Variants in PPEF2 observed in about 807,000 individuals in gnomAD.
PPEF2 encodes serine/threonine-protein phosphatase with EF-hands 2.
PPEF2 carries 84 observed loss-of-function variants against 84.7 expected under a neutral mutation model. That is an observed-to-expected ratio of 0.99 (90% CI 0.83 to 1.19). PPEF2 has a LOEUF of 1.19. Among genes scored for constraint, PPEF2 ranks in the 50% most tolerant of loss-of-function variants. The probability of loss-of-function intolerance (pLI) is 0.00; values close to 1 mark genes in which losing one functional copy is unlikely to be tolerated. For synonymous variants in PPEF2, 346 were observed against 345.2 expected, an observed-to-expected ratio of 1.00 and a Z score of -0.03; for missense variants, 924 against 937.5, an observed-to-expected ratio of 0.99 and a Z score of 0.19.
chr4:75,884,953 G>T (rs1724685778), intron 7 of PPEF2, 193 bp from the exon 8 acceptor site: 1 of 509,652 alleles, frequency 2.0e-6, no homozygotes, highest in Non-Finnish European at 3.4e-6. Context: ...TTCCAGAGAG[G>T]CTAAGGTTAG....
chr4:75,876,198 C>A lies in PPEF2; in HGVS notation c.1320+89G>T, dbSNP rs1382167029. The A allele has an allele frequency of 6.3e-6, 9 of 1,433,594 alleles. No individual in the cohort carries two copies. The Admixed American group carries it at 1.8e-4, about 29-fold the overall frequency. 88.8% of individuals were successfully genotyped at this position (1,433,594 alleles called of 1,614,324 possible). A position where few individuals can be genotyped will look rare whatever the true frequency, so the allele number is the denominator to read the frequency against. Reference sequence around the variant, plus strand: ...GTTACCCCAGAAAGAGAAAGAGGGGCCTCAAAACATATCCTGAGTTTCCCT... The same window carrying A: ...GTTACCCCAGAAAGAGAAAGAGGGGACTCAAAACATATCCTGAGTTTCCCT... On this transcript the variant is annotated intron_variant, in intron 11 of 16. Coordinates refer to ENST00000286719, the MANE Select transcript of PPEF2 (RefSeq NM_006239.3).
chr4:75,867,705 T>C lies in PPEF2; in HGVS notation c.1650-286A>G, dbSNP rs559723335. ...TCCTTTGCTTCAGTTTTCCCACCTG[T>C]AAAACAGTGATTAAAATGGTACCTG... On this transcript the variant is annotated intron_variant, in intron 13 of 16. Transcript: ENST00000286719. 5.3e-5 allele frequency among the ~76,000 whole-genome samples: 8 copies of C among 152,264 alleles called. No individual in the cohort carries two copies. In the South Asian group the frequency reaches 6.2e-4, roughly 12 times the overall value.
At position 75,890,041 on chromosome 4, in the gene PPEF2, G is replaced by C. The variant is rs199870938; in HGVS notation, c.333C>G (p.Pro111=). 13 of 1,614,032 alleles carry C rather than the reference G, an allele frequency of 8.1e-6. No homozygotes were observed. The highest frequency in any genetic ancestry group is 1.1e-5 in the South Asian group (1 of 91,066). The stretch of plus-strand genomic sequence containing the variant: ...AGAGGCGTGGCCCCGTGTAACTGTC[G>C]GGTACCTCTATGGATTCATAGTCAC... The part of the protein sequence containing the change: ...KCSDYESIEV[P]DSYTGPRLSF... The change falls in exon 5 of 17, where the codon CCC becomes CCG. Residue 111 remains proline, a synonymous_variant. Transcript: ENST00000286719.
chr4:75,863,890 C>T (rs1409642324), intron 16 of PPEF2, among the ~76,000 whole-genome samples: 6 of 146,454 alleles, frequency 4.1e-5, no homozygotes, highest in Admixed American at 6.8e-5. Flanking sequence ...TTTTTTTTTC[C>T]GCGACAGAGT....
rs748954978 is a variant in PPEF2, at chr4:75,883,003, C to T, written c.856G>A (p.Glu286Lys). ...CCACCATGAAGAATTAGAACTTTCT[C>T]ATCTATCAGAGTGGCCAGTGGAAGC... ...CWLPLATLID[E>K]KVLILHGGVS... The change falls in exon 10 of 17, where the codon GAG (glutamate) becomes AAG (lysine). Residue 286 changes from glutamate (E) to lysine (K), a missense_variant. Transcript: ENST00000286719. The T allele has an allele frequency of 6.2e-7, 1 of 1,614,188 alleles. No homozygotes were observed. The highest frequency in any genetic ancestry group is 2.2e-5 in the East Asian group (1 of 44,884).
chr4:75,879,077 T>C (rs577248390), intron 10 of PPEF2, among the ~76,000 whole-genome samples: 203 of 152,322 alleles, frequency 1.3e-3, no homozygotes, highest in Non-Finnish European at 2.0e-3. Flanking sequence ...CATCTTATGT[T>C]TCCAGTGATT....
At chr4:75,897,145 G>A (rs373536074) in intron 1 of PPEF2, among the ~76,000 whole-genome samples, 2 of 152,140 alleles carry the variant, frequency 1.3e-5, no homozygotes, top group East Asian at 1.9e-4. Flanking sequence ...GAGCCACTGC[G>A]CCTGGCCAGG....
intron 1 of PPEF2, among the ~76,000 whole-genome samples, chr4:75,901,049 T>TA (rs1725109444): frequency 6.6e-6 from 1 of 152,220 alleles, no homozygotes; most frequent in South Asian, 2.1e-4. Context: ...ATTTTTAACT[T>TA]ATATACTTCT....
chr4:75,893,104 T>A (rs1724928252), intron 2 of PPEF2, among the ~76,000 whole-genome samples: 1 of 152,184 alleles, frequency 6.6e-6, no homozygotes, highest in African/African-American at 2.4e-5. Flanking sequence ...TGATTTCCTA[T>A]GAAAAAAATT....
chr4:75,878,212 A>C (rs1490218520), intron 10 of PPEF2, among the ~76,000 whole-genome samples: 6 of 152,208 alleles, frequency 3.9e-5, no homozygotes, highest in Non-Finnish European at 5.9e-5. Context: ...AATTGAATAG[A>C]GTCCCTCTCA....
Position 75,864,474 on chromosome 4 carries a change from C to T in PPEF2, c.1974G>A (p.Glu658=), listed in dbSNP as rs1476800551. 1 of 1,612,304 alleles carries T rather than the reference C, an allele frequency of 6.2e-7. No homozygotes were observed. The highest frequency in any genetic ancestry group is 1.7e-5 in the Admixed American group (1 of 59,988). The change falls in exon 16 of 17, where the codon GAG becomes GAA. Residue 658 remains glutamate, a synonymous_variant. Coordinates refer to ENST00000286719, the MANE Select transcript of PPEF2 (RefSeq NM_006239.3). Reference sequence around the variant, plus strand: ...CACTGTCTATGATCCTAAAAATGGTCTCTAGGTTGGATCGGTTTCGATACA... The same window carrying T: ...CACTGTCTATGATCCTAAAAATGGTTTCTAGGTTGGATCGGTTTCGATACA... ...ETLYRNRSNL[E]TIFRIIDSDH...
intron 10 of PPEF2, among the ~76,000 whole-genome samples, chr4:75,878,333 C>A (rs1050724366): frequency 1.3e-5 from 2 of 152,186 alleles, no homozygotes; most frequent in Non-Finnish European, 2.9e-5. Context: ...GAGAGAGCAG[C>A]CATTCCTGCT....
intron 10 of PPEF2, among the ~76,000 whole-genome samples, chr4:75,878,731 C>T (rs1724491019): frequency 1.3e-5 from 2 of 152,186 alleles, no homozygotes. Context: ...CTTGTTGGCA[C>T]ACAGTGAGGG....
intron 13 of PPEF2, among the ~76,000 whole-genome samples, chr4:75,871,253 C>G (rs2149216427): frequency 6.6e-6 from 1 of 152,192 alleles, no homozygotes; most frequent in Non-Finnish European, 1.5e-5. Context: ...TATATGCTTC[C>G]TTCCAGAAAG....
intron 1 of PPEF2, among the ~76,000 whole-genome samples, chr4:75,897,267 T>C (rs781267394): frequency 6.6e-6 from 1 of 152,238 alleles, no homozygotes; most frequent in African/African-American, 2.4e-5. Context: ...CATTTTCCTC[T>C]GTCTGTCCCT....
chr4:75,888,133 G>A (rs913092142), intron 6 of PPEF2, 81 bp downstream of exon 6: 60 of 1,099,782 alleles, frequency 5.5e-5, no homozygotes, highest in Non-Finnish European at 7.4e-5. Context: ...CCTGCAGCCC[G>A]CCACTCCTCT....
intron 10 of PPEF2, among the ~76,000 whole-genome samples, chr4:75,878,776 G>T (rs1215808997): frequency 6.6e-6 from 1 of 152,086 alleles, no homozygotes; most frequent in Non-Finnish European, 1.5e-5. Context: ...CGATTCTCAG[G>T]TATTTTATTA....
intron 13 of PPEF2, among the ~76,000 whole-genome samples, chr4:75,871,109 AG>A (rs1724260960): frequency 6.6e-6 from 1 of 151,788 alleles, no homozygotes. Context: ...TAGTAGAGAC[AG>A]GGTTTCACCA....
rs1724292570 is a variant in PPEF2 at position 75,872,041 on chromosome 4, G to C, written c.1633C>G (p.Leu545Val). ...AAGTCTTGCCTTTGCCTCATGGTGA[G>C]TGTGTGGGTCACCTTGTTAGCTTGA... is the stretch of plus-strand genomic sequence containing the variant. ...QYQANKVTHT[L>V]TMRQRISRVE... The change falls in exon 13 of 17, where the codon CTC becomes GTC. Residue 545 changes from leucine (L) to valine (V), a missense_variant. Physicochemically the swap from Leu to Val is conservative, Grantham distance 32 (BLOSUM62 1). Coordinates refer to ENST00000286719, the MANE Select transcript of PPEF2 (RefSeq NM_006239.3). 1.2e-6 allele frequency: 2 copies of C among 1,610,348 alleles called. No homozygotes were observed. Among genetic ancestry groups the C allele is most frequent in the Non-Finnish European group, 1.7e-6 (2 of 1,178,950 alleles).
Sources: gnomAD v4.1 joint callset for allele counts (sites outside exome capture counted in the v4.1 genomes callset) on GRCh38, gnomAD v4.1.1 for gene constraint, MANE v1.5 for transcripts, NCBI Gene and HGNC (gene_info 2026-07-23, HGNC 2026-07-21) for gene names.